Variants in KANK4 observed in about 807,000 individuals in gnomAD.
KANK4 encodes the protein KN motif and ankyrin repeat domain-containing protein 4.
In KANK4, 50 loss-of-function variants were observed where a neutral mutation model predicts 80.8. The ratio of observed to expected loss-of-function variants is 0.62; its 90% CI spans 0.49 to 0.78. KANK4 has a LOEUF of 0.78. Among genes scored for constraint, KANK4 ranks in the 30% least tolerant of loss-of-function variants. The pLI, the probability that KANK4 is intolerant of heterozygous loss-of-function variation, is 0.00. For missense variants in KANK4, 1,196 were observed against 1,240.1 expected (o/e 0.96, Z 0.53); for synonymous variants, 465 against 506.9 (o/e 0.92, Z 1.11).
chr1:62,287,562 C>T (rs1019240294), intron 1 of KANK4, among the ~76,000 whole-genome samples: 1 of 152,198 alleles, frequency 6.6e-6, no homozygotes, highest in African/African-American at 2.4e-5. Flanking sequence ...TCTCATTTAT[C>T]CTTGCATCAA....
At chr1:62,251,897 C>T (rs1027959215) in intron 8 of KANK4, among the ~76,000 whole-genome samples, 4 of 149,808 alleles carry the variant, frequency 2.7e-5, no homozygotes, top group East Asian at 2.0e-4. Context: ...GAGGCTGAGG[C>T]GGAAGAATCG....
chr1:62,270,450 C>T (rs528545403), intron 4 of KANK4, among the ~76,000 whole-genome samples: 1 of 151,310 alleles, frequency 6.6e-6, no homozygotes, highest in African/African-American at 2.4e-5. Context: ...GGCACAATCT[C>T]GGCGGCTCAC....
At chr1:62,299,183 G>A (rs916735624) in intron 1 of KANK4, among the ~76,000 whole-genome samples, 2 of 152,080 alleles carry the variant, frequency 1.3e-5, no homozygotes, top group Non-Finnish European at 2.9e-5. Context: ...TCAGCCTCCA[G>A]AGTAGCTGGG....
At chr1:62,308,717 C>T (rs1335510706) in intron 1 of KANK4, among the ~76,000 whole-genome samples, 1 of 152,164 alleles carries the variant, frequency 6.6e-6, no homozygotes, top group Non-Finnish European at 1.5e-5. Flanking sequence ...AAAGTCAAGC[C>T]AGGGAGGGAA....
chr1:62,251,276 C>T (rs576282119), intron 8 of KANK4, among the ~76,000 whole-genome samples: 2 of 152,282 alleles, frequency 1.3e-5, no homozygotes, highest in Admixed American at 6.5e-5. Flanking sequence ...ACTGCTTCGG[C>T]TGTGGGTAAT....
rs1196764978 is a variant in KANK4, at chr1:62,274,444, T to C, written c.660A>G (p.Ala220=). The C allele has an allele frequency of 6.2e-7, 1 of 1,614,212 alleles. No individual in the cohort carries two copies. Among genetic ancestry groups the C allele is most frequent in the Non-Finnish European group, 8.5e-7 (1 of 1,180,030 alleles). The change falls in exon 3 of 10, where the codon GCA becomes GCG. Residue 220 remains alanine (A), a synonymous_variant. Coordinates refer to ENST00000371153, the MANE Select transcript of KANK4 (RefSeq NM_181712.5). ...LAGFHSSSPR[A]STRIPELVQE... ...GGACCAGCTCTGGAATCCGAGTTGA[T>C]GCTCGTGGGCTGGAGCTGTGGAAAC...
At chr1:62,278,392 T>TC (rs1672370912) in intron 2 of KANK4, among the ~76,000 whole-genome samples, 11 of 47,378 alleles carry the variant, frequency 2.3e-4, no homozygotes, top group African/African-American at 7.7e-4. Context: ...TTTCTTTCTT[T>TC]CTTTCTTTTT....
chr1:62,273,509 G>C lies in KANK4; in HGVS notation c.1595C>G (p.Pro532Arg). Reference sequence around the variant, plus strand: ...GGAACTGGTCTCCTCCCTCCCTGCTGGGGGAGTCTTTCTGTCGCTGCCCCA... The same window carrying C: ...GGAACTGGTCTCCTCCCTCCCTGCTCGGGGAGTCTTTCTGTCGCTGCCCCA... Reference protein sequence around the residue: ...FLWGSDRKTPPAGREETSSNL... With the variant: ...FLWGSDRKTPRAGREETSSNL... The change falls in exon 3 of 10, where the codon CCA becomes CGA. Residue 532 changes from proline (P) to arginine (R), a missense_variant. Around this residue, in one of 3 missense-constraint regions of KANK4, gnomAD observed 1,154 missense variants for 1,179.6 expected, o/e 0.98. Transcript: ENST00000371153. 6.2e-7 allele frequency: 1 copy of C among 1,613,766 alleles called. No homozygotes were observed. Among genetic ancestry groups the C allele is most frequent in the Non-Finnish European group, 8.5e-7 (1 of 1,179,782 alleles).
rs1423398904 is a variant in KANK4 at position 62,247,539 on chromosome 1, T to C, written c.2816A>G (p.His939Arg). The change falls in exon 9 of 10, where the codon CAT becomes CGT. Residue 939 changes from histidine to arginine, a missense_variant. Around this residue, in one of 3 missense-constraint regions of KANK4, gnomAD observed 1,154 missense variants for 1,179.6 expected, o/e 0.98. Transcript: ENST00000371153. ...CAGCCGCACCAGGTCCACGTTGCCA[T>C]GGTGACAGGCCACCATGAGGGCCGA... ...GSSALMVACH[H>R]GNVDLVRLLL... 1.2e-6 allele frequency: 2 copies of C among 1,614,026 alleles called. No homozygotes were observed. The highest frequency in any genetic ancestry group is 3.3e-5 in the Admixed American group (2 of 60,018).
rs765204889 is a variant in KANK4 at position 62,281,615 on chromosome 1, T to C, written c.-51A>G. On this transcript the variant is annotated 5_prime_UTR_variant, in exon 2 of 10. Coordinates refer to ENST00000371153, the MANE Select transcript of KANK4 (RefSeq NM_181712.5). ...TCAGGCACTCTTCATCCAATGAGTC[T>C]GTAAAACTTGTTGAAGGTTCTGAAA... 1.9e-6 allele frequency: 3 copies of C among 1,608,702 alleles called. No homozygotes were observed. The highest frequency in any genetic ancestry group is 2.6e-6 in the Non-Finnish European group (3 of 1,175,128).
Position 62,238,183 on chromosome 1 carries a change from G to A in KANK4, c.*94C>T, listed in dbSNP as rs189629688. On this transcript the variant is annotated 3_prime_UTR_variant, in exon 10 of 10. Transcript: ENST00000371153. ...ACATAGTTTCTTCTCTAGAAGGGTGGCTCTCTGGCCTGTGACCTCTGCCCT... is the reference window on the plus strand; with the variant it reads ...ACATAGTTTCTTCTCTAGAAGGGTGACTCTCTGGCCTGTGACCTCTGCCCT... 60 of 760,482 alleles carry A rather than the reference G, an allele frequency of 7.9e-5. No individual in the cohort carries two copies. In the African/African-American group the frequency reaches 1.0e-3, roughly 13 times the overall value. 47.1% of individuals were successfully genotyped at this position (760,482 alleles called of 1,614,324 possible).
chr1:62,301,175 C>T (rs1047978960), intron 1 of KANK4, among the ~76,000 whole-genome samples: 1 of 152,032 alleles, frequency 6.6e-6, no homozygotes, highest in African/African-American at 2.4e-5. Context: ...ATGAAACAGA[C>T]TTACGGAGCA....
chr1:62,286,157 A>G (rs1170462590), intron 1 of KANK4, among the ~76,000 whole-genome samples: 3 of 152,210 alleles, frequency 2.0e-5, no homozygotes, highest in Admixed American at 6.5e-5. Context: ...GAGCTTCACG[A>G]AGAAGAGAAA....
intron 1 of KANK4, among the ~76,000 whole-genome samples, chr1:62,308,016 TTGCTC>T: frequency 6.6e-6 from 1 of 152,104 alleles, no homozygotes; most frequent in Non-Finnish European, 1.5e-5. Flanking sequence ...CCCTGTGCCT[TTGCTC>T]ACCCCGTATC....
chr1:62,256,781 T>C, intron 7 of KANK4, among the ~76,000 whole-genome samples: 1 of 152,174 alleles, frequency 6.6e-6, no homozygotes, highest in Admixed American at 6.5e-5. Flanking sequence ...TATCAGCAGT[T>C]TTCCCTCAAG....
chr1:62,288,517 A>T (rs1047001001), intron 1 of KANK4, among the ~76,000 whole-genome samples: 2 of 152,142 alleles, frequency 1.3e-5, no homozygotes, highest in African/African-American at 4.8e-5. Flanking sequence ...CTCTGAGCAG[A>T]CTGGTCACAG....
Position 62,274,766 on chromosome 1 carries a change from C to A in KANK4, c.338G>T (p.Gly113Val), listed in dbSNP as rs890016096. The A allele has an allele frequency of 2.5e-6, 4 of 1,614,026 alleles. No individual in the cohort carries two copies. In the African/African-American group the frequency reaches 4.0e-5, roughly 16 times the overall value. The change falls in exon 3 of 10, where the codon GGT (glycine) becomes GTT (valine). Residue 113 changes from glycine to valine, a missense_variant. Physicochemically the swap from Gly to Val is moderately radical, Grantham distance 109. Transcript: ENST00000371153. Reference sequence around the variant, plus strand: ...GCTTGTTGAGGCCTGGGGGGCATTACCAAGCGGTGGTGACTGGTTTTGCTC... The same window carrying A: ...GCTTGTTGAGGCCTGGGGGGCATTAACAAGCGGTGGTGACTGGTTTTGCTC... ...TQEQNQSPPLGNAPQASTSRS... is the reference protein window; with the variant it reads ...TQEQNQSPPLVNAPQASTSRS...
rs756056348 is a variant in KANK4, at chr1:62,263,320, C to G, written c.2320-9G>C. ...GTGTTCAAGCTTTGCCTCTGAAACC[C>G]CAAAAAAGACCAATTCCAAGAGGTT... On this transcript the variant is annotated splice_polypyrimidine_tract_variant and intron_variant, in intron 6 of 9. Transcript: ENST00000371153. 1 of 1,607,996 alleles carries G rather than the reference C, an allele frequency of 6.2e-7. No homozygotes were observed. The highest frequency in any genetic ancestry group is 8.5e-7 in the Non-Finnish European group (1 of 1,176,786).
rs1557484256 is a variant in KANK4 at position 62,268,422 on chromosome 1, C to G, written c.2096G>C (p.Cys699Ser). ...DLSDSEAEKK[C>S]DGPDHKHVKD... ...GACATGCTTGTGATCTGGGCCGTCACACTTCTTCTCTGCCTCGCTGTCAGA... is the reference window on the plus strand; with the variant it reads ...GACATGCTTGTGATCTGGGCCGTCAGACTTCTTCTCTGCCTCGCTGTCAGA... Residue 699 changes from cysteine to serine, a missense_variant, in exon 5 of 10, where the codon TGT becomes TCT. Physicochemically the swap from Cys to Ser is moderately radical, Grantham distance 112. Coordinates refer to ENST00000371153, the MANE Select transcript of KANK4 (RefSeq NM_181712.5). 1.9e-6 allele frequency: 3 copies of G among 1,614,012 alleles called. No individual in the cohort carries two copies. Among genetic ancestry groups the G allele is most frequent in the Non-Finnish European group, 2.5e-6 (3 of 1,180,032 alleles).
Sources: gnomAD v4.1 joint callset for allele counts (sites outside exome capture counted in the v4.1 genomes callset) on GRCh38, gnomAD v4.1.1 for gene constraint, gnomAD v4.1.1 regional missense constraint, MANE v1.5 for transcripts, NCBI Gene and HGNC (gene_info 2026-07-23, HGNC 2026-07-21) for gene names.